The following C1orf94 variants were observed in gnomAD, a reference collection of about 807,000 sequenced individuals.
The protein encoded by C1orf94 is uncharacterized protein C1orf94.
A neutral mutation model predicts 53.6 loss-of-function variants in C1orf94; 45 were observed. The observed-to-expected ratio is 0.84, with a 90% CI of 0.66 to 1.08. The LOEUF (loss-of-function observed/expected upper bound fraction) is 1.08, where lower values mean the gene tolerates loss of function less well. Ranked by LOEUF, C1orf94 falls within the 50% of genes least tolerant of loss-of-function variation. The pLI is 0.00. For missense variants in C1orf94, 762 were observed against 738.9 expected (o/e 1.03, Z -0.36); for synonymous variants, 304 against 296.1 (o/e 1.03, Z -0.27).
At chr1:34,175,190 ATTTTT>A (rs10608833), upstream of C1orf94, among the ~76,000 whole-genome samples, 2 of 133,210 alleles carry the variant, frequency 1.5e-5, no homozygotes, top group Non-Finnish European at 3.2e-5. Context: ...GCTGTATTTG[ATTTTT>A]TTTTTTTTTT....
intron 1 of C1orf94, among the ~76,000 whole-genome samples, chr1:34,181,392 A>G (rs1642309905): frequency 1.3e-5 from 2 of 152,154 alleles, no homozygotes. Context: ...CCCTGTCTGC[A>G]TTCTGTTTCC....
intron 1 of C1orf94, among the ~76,000 whole-genome samples, chr1:34,195,676 T>C (rs1338062511): frequency 6.6e-6 from 1 of 152,162 alleles, no homozygotes; most frequent in African/African-American, 2.4e-5. Context: ...CCTCTAAGAC[T>C]GTAGACTGTG....
chr1:34,181,679 T>C (rs983632560), intron 1 of C1orf94, among the ~76,000 whole-genome samples: 2 of 152,164 alleles, frequency 1.3e-5, no homozygotes, highest in Non-Finnish European at 2.9e-5. Flanking sequence ...AAGAATGGTA[T>C]TCCCAGTGGA....
At chr1:34,174,681 A>G (rs1193157160), upstream of C1orf94, among the ~76,000 whole-genome samples, 6 of 152,204 alleles carry the variant, frequency 3.9e-5, no homozygotes, top group Admixed American at 3.9e-4. Context: ...TCAGAGTGAA[A>G]CTAACAATGC....
intron 3 of C1orf94, 82 bp from the exon 4 acceptor site, chr1:34,202,002 T>A: frequency 7.0e-7 from 1 of 1,433,642 alleles, no homozygotes; most frequent in African/African-American, 1.4e-5. Flanking sequence ...TGTGAATCCC[T>A]AAGGAAGTTG....
At chr1:34,190,526 C>T (rs772031310) in intron 1 of C1orf94, among the ~76,000 whole-genome samples, 1 of 152,180 alleles carries the variant, frequency 6.6e-6, no homozygotes, top group Non-Finnish European at 1.5e-5. Context: ...TCCTTGCATT[C>T]GTTACCTGGC....
chr1:34,204,820 A>T (rs539962951), intron 4 of C1orf94, among the ~76,000 whole-genome samples: 15 of 152,126 alleles, frequency 9.9e-5, no homozygotes, highest in African/African-American at 2.4e-4. Flanking sequence ...GCTTGAGCTC[A>T]GGTGTTCAAG....
chr1:34,172,432 G>C (rs987653783), upstream of C1orf94, among the ~76,000 whole-genome samples: 3 of 152,102 alleles, frequency 2.0e-5, no homozygotes, highest in African/African-American at 7.2e-5. Flanking sequence ...AGAAGTTCAC[G>C]TGCATTTCCA....
intron 1 of C1orf94, among the ~76,000 whole-genome samples, chr1:34,185,707 T>G (rs889192066): frequency 2.6e-5 from 4 of 152,190 alleles, no homozygotes; most frequent in African/African-American, 9.6e-5. Flanking sequence ...CTCACTGCAT[T>G]GGGTGCCTTT....
chr1:34,183,603 C>T (rs1358528506), intron 1 of C1orf94, among the ~76,000 whole-genome samples: 3 of 152,060 alleles, frequency 2.0e-5, no homozygotes, highest in Non-Finnish European at 4.4e-5. Flanking sequence ...GCCTATAATC[C>T]CAGCACTTTG....
intron 3 of C1orf94, among the ~76,000 whole-genome samples, chr1:34,201,372 C>G (rs944338558): frequency 2.0e-5 from 3 of 152,138 alleles, no homozygotes; most frequent in African/African-American, 7.2e-5. Context: ...AGATTATGTT[C>G]CCGCTTTCTT....
upstream of C1orf94, among the ~76,000 whole-genome samples, chr1:34,173,292 C>T (rs1571332266): frequency 2.0e-5 from 3 of 152,118 alleles, no homozygotes; most frequent in South Asian, 2.1e-4. Flanking sequence ...TTCAATTTTC[C>T]TCTATAGCCA....
chr1:34,194,825 T>C (rs998655049), intron 1 of C1orf94, among the ~76,000 whole-genome samples: 2 of 152,206 alleles, frequency 1.3e-5, no homozygotes, highest in Admixed American at 1.3e-4. Context: ...TCTTTCTAAT[T>C]CAGTGAAGCT....
At chr1:34,182,562 G>T (rs1642326575) in intron 1 of C1orf94, among the ~76,000 whole-genome samples, 1 of 152,164 alleles carries the variant, frequency 6.6e-6, no homozygotes, top group Non-Finnish European at 1.5e-5. Flanking sequence ...GCAGTGGCTG[G>T]GTAGGAGTGA....
chr1:34,202,029 C>G (rs777806718), intron 3 of C1orf94, 55 bp from the exon 4 acceptor site: 1 of 1,578,912 alleles, frequency 6.3e-7, no homozygotes, highest in Non-Finnish European at 8.6e-7. Flanking sequence ...TGAAGGTGTC[C>G]TGGCCTCTCC....
intron 1 of C1orf94, among the ~76,000 whole-genome samples, chr1:34,167,614 CCTGTGCTCGGGGGCCCTGAGCGAGG>C (rs1203713008): frequency 6.8e-6 from 1 of 146,614 alleles, no homozygotes; most frequent in East Asian, 2.0e-4. Context: ...CTGAGCGCCT[CCTGTGCTCGGGGGCCCTGAGCGAGG>C]CTGTGCTCTG....
intron 2 of C1orf94, 139 bp from the exon 3 acceptor site, chr1:34,200,633 C>T (rs1642688190): frequency 1.7e-6 from 2 of 1,180,048 alleles, no homozygotes; most frequent in Non-Finnish European, 2.4e-6. Context: ...TTGTATTTGG[C>T]TGAAAGAGAG....
In C1orf94 at chr1:34,171,689, A is replaced by G. The variant is rs569476478; in HGVS notation, c.-251+4518A>G. On this transcript the variant is annotated intron_variant, in intron 1 of 6. Transcript: ENST00000373374. Reference sequence around the variant, plus strand: ...AACAGAATTGCATATATTGCCCACTATGTCACTCAGTGTCCTTTATACAAG... The same window carrying G: ...AACAGAATTGCATATATTGCCCACTGTGTCACTCAGTGTCCTTTATACAAG... 6.6e-5 allele frequency among the ~76,000 whole-genome samples: 10 copies of G among 152,296 alleles called. No individual in the cohort carries two copies. The South Asian group carries it at 1.7e-3, about 25-fold the overall frequency.
chr1:34,202,462 AG>A (rs1274785930), intron 4 of C1orf94, among the ~76,000 whole-genome samples: 4 of 152,190 alleles, frequency 2.6e-5, no homozygotes, highest in Non-Finnish European at 5.9e-5. Flanking sequence ...TAGTCACATC[AG>A]ATCTACCCCT....
Sources: allele counts gnomAD v4.1 joint callset (sites outside exome capture counted in the v4.1 genomes callset), GRCh38; gene constraint gnomAD v4.1.1; transcripts MANE v1.5; gene names NCBI Gene and HGNC (gene_info 2026-07-23, HGNC 2026-07-21).